MGST1: variants seen among roughly 807,000 people sequenced by gnomAD.
MGST1 encodes microsomal glutathione S-transferase 1.
In MGST1, 5 loss-of-function variants were observed where a neutral mutation model predicts 8.9. That is an observed-to-expected ratio of 0.56 (90% CI 0.29 to 1.19). The LOEUF is 1.19. Among genes scored for constraint, MGST1 ranks in the 50% most tolerant of loss-of-function variants. MGST1 has a pLI of 0.08. For synonymous variants in MGST1, 54 were observed against 67.8 expected (o/e 0.80, Z 1.00); for missense variants, 182 against 187.4 (o/e 0.97, Z 0.17).
chr12:16,409,996 G>A (rs11056923), intron 1 of MGST1, among the ~76,000 whole-genome samples: 11,549 of 152,050 alleles, frequency 0.076, 529 homozygotes, highest in East Asian at 0.16. Flanking sequence ...CTCCTCCCTC[G>A]TGAGTTCTCA....
At chr12:16,470,756 A>G (rs1941285480) in intron 4 of MGST1, among the ~76,000 whole-genome samples, 1 of 152,214 alleles carries the variant, frequency 6.6e-6, no homozygotes, top group Admixed American at 6.5e-5. Context: ...ATTTTAAAAA[A>G]TTACCTTAAA....
At chr12:16,529,194 C>T (rs1420462105) in intron 4 of MGST1, among the ~76,000 whole-genome samples, 1 of 152,002 alleles carries the variant, frequency 6.6e-6, no homozygotes, top group Non-Finnish European at 1.5e-5. Context: ...CTCACTCTTT[C>T]ATTCTTGGGA....
chr12:16,399,432 G>A (rs1321486656), intron 1 of MGST1: 11 of 1,532,312 alleles, frequency 7.2e-6, no homozygotes, highest in East Asian at 4.5e-5. Flanking sequence ...TTCTTGGTCC[G>A]CTTTTCGGGC....
chr12:16,502,107 G>T lies in MGST1; in HGVS notation n.483-87421G>T, dbSNP rs867312093. On this transcript the variant is annotated intron_variant and non_coding_transcript_variant, in intron 4 of 4. Transcript: ENST00000538857. ...TTTTATATGATTGTCGAAGACAAAT[G>T]AATTCCAAGGTACAAAAATAATTAG... is the stretch of plus-strand genomic sequence containing the variant. Among the ~76,000 whole-genome samples the T allele has an allele frequency of 3.0e-4, 46 of 152,182 alleles. 2 individuals carry two copies. Among genetic ancestry groups the T allele is most frequent in the Non-Finnish European group, 5.9e-5 (4 of 68,002 alleles).
chr12:16,511,337 A>G (rs1440255430), intron 4 of MGST1, among the ~76,000 whole-genome samples: 3 of 152,194 alleles, frequency 2.0e-5, no homozygotes, highest in East Asian at 1.9e-4. Flanking sequence ...CTTTTTTACT[A>G]TACTTAATAG....
chr12:16,476,060 T>A (rs1201042339), intron 4 of MGST1, among the ~76,000 whole-genome samples: 1 of 152,130 alleles, frequency 6.6e-6, no homozygotes, highest in Admixed American at 6.6e-5. Flanking sequence ...ACTCTCATAT[T>A]CCTAGTCTAG....
At position 16,544,438 on chromosome 12, in the gene MGST1, T is replaced by G. The variant is rs1378486157; in HGVS notation, n.483-45090T>G. ...TGGCTTGTTTCTTCTATTGAATGTGTATTTACTTATATAGCATCAATTTGT... is the reference window on the plus strand; with the variant it reads ...TGGCTTGTTTCTTCTATTGAATGTGGATTTACTTATATAGCATCAATTTGT... On this transcript the variant is annotated intron_variant and non_coding_transcript_variant, in intron 4 of 4. Transcript: ENST00000538857. This position sits in a 1 kb window ranked among gnomAD's most constrained non-coding sequence, Gnocchi z 4.8. Among the ~76,000 whole-genome samples, 1 of 152,096 alleles carries G rather than the reference T, an allele frequency of 6.6e-6. No individual in the cohort carries two copies. The highest frequency in any genetic ancestry group is 1.5e-5 in the Non-Finnish European group (1 of 67,968).
At chr12:16,581,961 T>C (rs1256083454) in intron 4 of MGST1, among the ~76,000 whole-genome samples, 1 of 152,100 alleles carries the variant, frequency 6.6e-6, no homozygotes, top group Non-Finnish European at 1.5e-5. Context: ...ATAATTATCT[T>C]TTTTACTATT....
intron 4 of MGST1, among the ~76,000 whole-genome samples, chr12:16,557,767 A>T (rs1223521368): frequency 6.6e-6 from 1 of 152,072 alleles, no homozygotes; most frequent in Admixed American, 6.6e-5. Context: ...GAGAGGTATT[A>T]GTGTTTCTAT....
chr12:16,519,283 A>G (rs946077624), intron 4 of MGST1, among the ~76,000 whole-genome samples: 2 of 152,226 alleles, frequency 1.3e-5, no homozygotes, highest in Non-Finnish European at 2.9e-5. Context: ...CATTTTTATG[A>G]AGATGTCACA....
chr12:16,444,083 C>T (rs972115580), intron 4 of MGST1, among the ~76,000 whole-genome samples: 1 of 151,634 alleles, frequency 6.6e-6, no homozygotes, highest in Non-Finnish European at 1.5e-5. Context: ...TGATGTTGAG[C>T]TCATAGTCTC....
At position 16,458,629 on chromosome 12, in the gene MGST1, A is replaced by G. The variant is rs1050216293; in HGVS notation, n.482+75025A>G. Among the ~76,000 whole-genome samples, 1 of 152,028 alleles carries G rather than the reference A, an allele frequency of 6.6e-6. No homozygotes were observed. Among genetic ancestry groups the G allele is most frequent in the African/African-American group, 2.4e-5 (1 of 41,412 alleles). On this transcript the variant is annotated intron_variant and non_coding_transcript_variant, in intron 4 of 4. Coordinates refer to the MGST1 transcript ENST00000538857. This position sits in a 1 kb window ranked among gnomAD's most constrained non-coding sequence, Gnocchi z 4.0. ...ATATGTGTAATAAGCTTGTATGAAA[A>G]TGAAATTATATATTATAAACATGGA...
intron 4 of MGST1, among the ~76,000 whole-genome samples, chr12:16,471,962 T>C (rs1941292024): frequency 1.3e-5 from 2 of 151,698 alleles, no homozygotes; most frequent in Non-Finnish European, 2.9e-5. Flanking sequence ...TATGCACACA[T>C]TGTCCGCTCC....
At chr12:16,533,021 C>G (rs988882460) in intron 4 of MGST1, among the ~76,000 whole-genome samples, 1 of 152,126 alleles carries the variant, frequency 6.6e-6, no homozygotes, top group Non-Finnish European at 1.5e-5. Flanking sequence ...TAGCTTGGGA[C>G]CTTTCGCCTT....
At chr12:16,380,698 TG>T (rs762047397), downstream of MGST1, among the ~76,000 whole-genome samples, 1 of 152,172 alleles carries the variant, frequency 6.6e-6, no homozygotes, top group Non-Finnish European at 1.5e-5. Context: ...TGGGTATCCT[TG>T]TTAACTTTCT....
Position 16,361,188 on chromosome 12 carries a change from G to C in MGST1, c.222-2607G>C, listed in dbSNP as rs1939980096. ...ACACATGGCTGGCTATGTGCTGAGG[G>C]TGAAGAGCTTTGGCTGAGATGAGGG... On this transcript the variant is annotated intron_variant, in intron 3 of 3. Transcript: ENST00000396210. The surrounding 1 kb of genome is among the most constrained non-coding windows in gnomAD (Gnocchi z 4.2). Among the ~76,000 whole-genome samples the C allele has an allele frequency of 6.6e-6, 1 of 152,198 alleles. No homozygotes were observed. Among genetic ancestry groups the C allele is most frequent in the Admixed American group, 6.5e-5 (1 of 15,282 alleles).
chr12:16,551,641 T>G (rs1229169620), intron 4 of MGST1, among the ~76,000 whole-genome samples: 3 of 151,828 alleles, frequency 2.0e-5, no homozygotes, highest in Non-Finnish European at 4.4e-5. Context: ...TAAAAAGAAC[T>G]GATCTGTATT....
chr12:16,400,008 G>C, intron 1 of MGST1: 1 of 1,529,638 alleles, frequency 6.5e-7, no homozygotes. Flanking sequence ...AGGGAGCTCT[G>C]TTAAATCCCA....
In MGST1 at chr12:16,560,930, G is replaced by A; in HGVS notation, n.483-28598G>A. 1 of 187,168 alleles carries A rather than the reference G, an allele frequency of 5.3e-6. No homozygotes were observed. The highest frequency in any genetic ancestry group is 8.7e-5 in the South Asian group (1 of 11,444). The allele number at this position is 187,168 out of a possible 1,614,324, so 11.6% of individuals were successfully genotyped here. A position where few individuals can be genotyped will look rare whatever the true frequency, so the allele number is the denominator to read the frequency against. On this transcript the variant is annotated intron_variant and non_coding_transcript_variant, in intron 4 of 4. Coordinates refer to the MGST1 transcript ENST00000538857. This position sits in a 1 kb window ranked among gnomAD's most constrained non-coding sequence, Gnocchi z 5.0. ...TTAGTTGGGAAAGGAACCAACTAAT[G>A]AATGATTCACTACTTTTTGACATTT... is the stretch of plus-strand genomic sequence containing the variant.
Sources: gnomAD v4.1 joint callset for allele counts (sites outside exome capture counted in the v4.1 genomes callset) on GRCh38, gnomAD v4.1.1 for gene constraint, Gnocchi (gnomAD v3.1) non-coding constraint, MANE v1.5 for transcripts, NCBI Gene and HGNC (gene_info 2026-07-23, HGNC 2026-07-21) for gene names.